The following LRP1B variants were observed in gnomAD, a reference collection of about 807,000 sequenced individuals.
The protein encoded by LRP1B is LDL receptor related protein 1B.
Under a neutral mutation model 556.6 loss-of-function variants are expected in LRP1B, and 217 were observed. The ratio of observed to expected loss-of-function variants is 0.39; its 90% confidence interval spans 0.35 to 0.44. LRP1B has a LOEUF of 0.44. Among genes scored for constraint, LRP1B ranks in the 20% least tolerant of loss-of-function variants. The pLI, the probability that LRP1B is intolerant of heterozygous loss-of-function variation, is 1.00. For synonymous variants in LRP1B, 2,047 were observed against 1,865.8 expected (o/e 1.10, Z -2.50); for missense variants, 5,053 against 5,620.8 (o/e 0.90, Z 3.23).
At chr2:141,141,618 C>T in intron 7 of LRP1B, among the ~76,000 whole-genome samples, 1 of 151,900 alleles carries the variant, frequency 6.6e-6, no homozygotes, top group East Asian at 1.9e-4. Flanking sequence ...ATTTAATTAC[C>T]ACATCCTTAA....
chr2:141,393,032 G>A (rs544689577), intron 3 of LRP1B, among the ~76,000 whole-genome samples: 3 of 152,214 alleles, frequency 2.0e-5, no homozygotes, highest in Non-Finnish European at 4.4e-5. Flanking sequence ...ATCTAGTTAT[G>A]ACTCCAAAGC....
intron 72 of LRP1B, 113 bp from the exon 73 acceptor site, chr2:140,359,059 ATCT>A: frequency 2.8e-6 from 3 of 1,085,512 alleles, no homozygotes; most frequent in Non-Finnish European, 3.8e-6. Context: ...TTTTCTAAAT[ATCT>A]TTTTTGTTGT....
intron 69 of LRP1B, among the ~76,000 whole-genome samples, chr2:140,372,275 A>G (rs1683030722): frequency 6.6e-6 from 1 of 152,070 alleles, no homozygotes; most frequent in Non-Finnish European, 1.5e-5. Context: ...GTATTCAGTA[A>G]GAAGGAAATC....
At chr2:141,648,541 C>A (rs1689666231) in intron 2 of LRP1B, among the ~76,000 whole-genome samples, 1 of 152,106 alleles carries the variant, frequency 6.6e-6, no homozygotes, top group African/African-American at 2.4e-5. Flanking sequence ...AAATTGGCAT[C>A]TTATTTCTTT....
chr2:141,981,564 A>G (rs1702043070), intron 1 of LRP1B, among the ~76,000 whole-genome samples: 1 of 152,128 alleles, frequency 6.6e-6, no homozygotes, highest in South Asian at 2.1e-4. Context: ...GATTATAAGC[A>G]GGGGATTTAA....
At chr2:141,097,697 A>C (rs569367107) in intron 7 of LRP1B, among the ~76,000 whole-genome samples, 2 of 152,324 alleles carry the variant, frequency 1.3e-5, no homozygotes, top group East Asian at 3.9e-4. Context: ...AATAGTGTGA[A>C]ATGTCAATTT....
At chr2:140,870,128 G>T (rs1025592176) in intron 25 of LRP1B, among the ~76,000 whole-genome samples, 2 of 152,036 alleles carry the variant, frequency 1.3e-5, no homozygotes, top group Non-Finnish European at 2.9e-5. Context: ...ATCCAGGAAT[G>T]ATTAAACAAC....
chr2:141,924,029 A>G (rs1045596410), intron 1 of LRP1B, among the ~76,000 whole-genome samples: 3 of 152,022 alleles, frequency 2.0e-5, no homozygotes, highest in African/African-American at 7.2e-5. Context: ...GTTCCCGTGC[A>G]AAGGCTCCAA....
intron 1 of LRP1B, among the ~76,000 whole-genome samples, chr2:141,954,954 A>G (rs943449775): frequency 1.3e-5 from 2 of 152,164 alleles, no homozygotes; most frequent in African/African-American, 2.4e-5. Context: ...AGAATAACAA[A>G]ATGATCGTCG....
At chr2:140,524,616 C>A (rs10928754) in intron 49 of LRP1B, among the ~76,000 whole-genome samples, 105,887 of 151,724 alleles carry the variant, frequency 0.7, 37,685 homozygotes, top group Middle Eastern at 0.86. Flanking sequence ...TCTATGCAGT[C>A]ATAAAAAAGT....
At chr2:141,209,236 T>C (rs1325772898) in intron 6 of LRP1B, among the ~76,000 whole-genome samples, 2 of 152,108 alleles carry the variant, frequency 1.3e-5, no homozygotes, top group Non-Finnish European at 2.9e-5. Flanking sequence ...TGGTGGGAGG[T>C]AGTCGAATCA....
chr2:141,792,550 G>C (rs993302135), intron 2 of LRP1B, among the ~76,000 whole-genome samples: 7 of 152,020 alleles, frequency 4.6e-5, no homozygotes, highest in African/African-American at 1.7e-4. Flanking sequence ...TACATGATGT[G>C]CTGGGGCAAT....
intron 11 of LRP1B, among the ~76,000 whole-genome samples, chr2:141,041,455 T>C (rs1033938961): frequency 2.6e-4 from 39 of 152,206 alleles, no homozygotes; most frequent in Admixed American, 9.2e-4. Context: ...GCCACCTGCC[T>C]TTCTTGGCTC....
At chr2:140,326,682 A>C (rs907329470) in intron 79 of LRP1B, among the ~76,000 whole-genome samples, 2 of 151,052 alleles carry the variant, frequency 1.3e-5, no homozygotes, top group Middle Eastern at 3.4e-3. Context: ...TAGGCAACAG[A>C]GTGAGACCCC....
intron 2 of LRP1B, among the ~76,000 whole-genome samples, chr2:141,513,709 C>T (rs367853610): frequency 1.2e-4 from 17 of 144,060 alleles, no homozygotes; most frequent in African/African-American, 3.8e-4. Flanking sequence ...AAAGGACAAA[C>T]TTAAAGTCTC....
intron 1 of LRP1B, among the ~76,000 whole-genome samples, chr2:141,961,008 G>T (rs1701388229): frequency 6.6e-6 from 1 of 151,544 alleles, no homozygotes; most frequent in Middle Eastern, 3.2e-3. Context: ...GTTCTGAAGT[G>T]AAAATATGAT....
chr2:141,510,234 A>ACACACCC (rs767916859), intron 2 of LRP1B, among the ~76,000 whole-genome samples: 14 of 145,378 alleles, frequency 9.6e-5, no homozygotes, highest in African/African-American at 1.3e-4. Context: ...ACACACACAC[A>ACACACCC]CCCCCCACAG....
intron 7 of LRP1B, among the ~76,000 whole-genome samples, chr2:141,183,173 C>T (rs1681082799): frequency 6.6e-6 from 1 of 151,940 alleles, no homozygotes; most frequent in Admixed American, 6.6e-5. Context: ...TCACTTATGT[C>T]CTACTGCAAG....
intron 2 of LRP1B, among the ~76,000 whole-genome samples, chr2:141,580,726 T>G (rs1686934087): frequency 6.6e-6 from 1 of 152,216 alleles, no homozygotes; most frequent in Non-Finnish European, 1.5e-5. Flanking sequence ...CACAACAGAC[T>G]GCACAAAGCA....
Sources: allele counts gnomAD v4.1 joint callset (sites outside exome capture counted in the v4.1 genomes callset), GRCh38; gene constraint gnomAD v4.1.1; transcripts MANE v1.5; gene names NCBI Gene and HGNC (gene_info 2026-07-23, HGNC 2026-07-21).